FAM83G: variants seen among roughly 807,000 people sequenced by gnomAD.
The protein encoded by FAM83G is scaffolding CK1 anchoring protein G.
In FAM83G, 38 loss-of-function variants were observed where a neutral mutation model predicts 61.5. The observed-to-expected ratio is 0.62, with a 90% confidence interval of 0.48 to 0.81. FAM83G has a LOEUF of 0.81. Among genes scored for constraint, FAM83G ranks in the 30% least tolerant of loss-of-function variants. The pLI is 0.00. For synonymous variants in FAM83G, 470 were observed against 476.1 expected (o/e 0.99, Z 0.17); for missense variants, 989 against 1,133.6 (o/e 0.87, Z 1.83).
At chr17:18,976,810 G>A in intron 5 of FAM83G, 1 of 1,605,000 alleles carries the variant, frequency 6.2e-7, no homozygotes, top group Non-Finnish European at 8.5e-7. Flanking sequence ...TGACACAAGT[G>A]TCCCTCAGGC....
chr17:18,971,666 G>C lies in FAM83G; in HGVS notation c.2165C>G (p.Ser722Cys), dbSNP rs1597835273. The C allele has an allele frequency of 6.2e-7, 1 of 1,612,968 alleles. No individual in the cohort carries two copies. Among genetic ancestry groups the C allele is most frequent in the Admixed American group, 1.7e-5 (1 of 59,984 alleles). The change falls in exon 6 of 6, where the codon TCT becomes TGT. Residue 722 changes from serine to cysteine, a missense_variant. Ser to Cys is a moderately radical substitution (Grantham distance 112, BLOSUM62 -1). Coordinates refer to ENST00000388995, the MANE Select transcript of FAM83G (RefSeq NM_001039999.3). This position sits in a 1 kb window ranked among gnomAD's most constrained non-coding sequence, Gnocchi z 5.5. Reference sequence around the variant, plus strand: ...AGAGCTCTGGACGCTGTCAGCAGCAGAGCGGTACCTAGGGGGTCCTGGGAA... The same window carrying C: ...AGAGCTCTGGACGCTGTCAGCAGCACAGCGGTACCTAGGGGGTCCTGGGAA... ...DGFPGPPRYR[S>C]AADSVQSSTR...
chr17:18,978,156 CG>C lies in FAM83G; in HGVS notation c.1509del (p.Val504CysfsTer13). 1.3e-6 allele frequency: 2 copies of C among 1,530,560 alleles called. No homozygotes were observed. The allele number at this position is 1,530,560 out of a possible 1,614,324, so 94.8% of individuals were successfully genotyped here. ...ACAGGGACTGTCCGGGGCTTGGGCA[CG>C]GGGGGCAATGGCTCAGGGTCCCCCT... ...LPQGDPEPLP[P>X]VPKPRTVPVA... is the part of the protein sequence containing the mutation. On this transcript the variant is annotated frameshift_variant, in exon 5 of 6. Transcript: ENST00000388995. LOFTEE classifies it high-confidence loss of function.
At chr17:18,982,566 G>A (rs1489262511) in intron 3 of FAM83G, among the ~76,000 whole-genome samples, 2 of 152,214 alleles carry the variant, frequency 1.3e-5, no homozygotes, top group African/African-American at 4.8e-5. Flanking sequence ...AAGAGAGGAC[G>A]TCAAGGGCGA....
At chr17:18,983,545 G>A (rs758142068) in intron 3 of FAM83G, among the ~76,000 whole-genome samples, 39 of 152,322 alleles carry the variant, frequency 2.6e-4, no homozygotes, top group Admixed American at 1.1e-3. Context: ...GTCCAGAGAT[G>A]CATCCTTGAC....
intron 4 of FAM83G, chr17:18,979,159 G>A (rs546032599): frequency 1.5e-4 from 73 of 496,352 alleles, no homozygotes; most frequent in East Asian, 1.1e-3. Context: ...TGTGGTGGCC[G>A]CTGCTGCCAT....
At position 19,004,460 on chromosome 17, in the gene FAM83G, T is replaced by G. The variant is rs731996; in HGVS notation, c.-129+249A>C. Among the ~76,000 whole-genome samples the G allele has an allele frequency of 0.45, 69,004 of 152,026 alleles. 20,213 individuals carry two copies. The highest frequency in any genetic ancestry group is 0.65 in the Non-Finnish European group (44,423 of 67,918). Reference sequence around the variant, plus strand: ...AGTCCTCGCAACTTCTGAGGGAAACTAGGGCAGCCGGGGAACTTCCCAGTA... The same window carrying G: ...AGTCCTCGCAACTTCTGAGGGAAACGAGGGCAGCCGGGGAACTTCCCAGTA... On this transcript the variant is annotated intron_variant, in intron 1 of 5. Transcript: ENST00000388995. This position sits in a 1 kb window ranked among gnomAD's most constrained non-coding sequence, Gnocchi z 5.4.
rs189803890 is a variant in FAM83G, at chr17:18,981,576, T to C, written c.691-1903A>G. On this transcript the variant is annotated intron_variant, in intron 3 of 5. Coordinates refer to ENST00000388995, the MANE Select transcript of FAM83G (RefSeq NM_001039999.3). ...CTGCCCGCCATGCCATCCAGCCTCC[T>C]GCCCTGCCAGTCCTTTCCGTGTCCC... Among the ~76,000 whole-genome samples the C allele has an allele frequency of 3.3e-3, 502 of 152,264 alleles. 3 individuals are homozygous for C. Among genetic ancestry groups the C allele is most frequent in the African/African-American group, 0.012 (488 of 41,556 alleles).
In FAM83G at chr17:18,977,963, A is replaced by G; in HGVS notation, c.1703T>C (p.Leu568Pro). Residue 568 changes from leucine (L) to proline (P), a missense_variant, in exon 5 of 6, where the codon CTC becomes CCC. Physicochemically the swap from Leu to Pro is moderately conservative, Grantham distance 98. This residue lies in a region of FAM83G where 574 missense variants were observed against 645.1 expected (regional missense o/e 0.89). Coordinates refer to ENST00000388995, the MANE Select transcript of FAM83G (RefSeq NM_001039999.3). ...CAGCCCATTGGGGAGCCCCACCCCG[A>G]GGCTCTCGGGGTCATCCTGGGTCAC... ...LSVTQDDPES[L>P]GVGLPNGLDG... 6.3e-7 allele frequency: 1 copy of G among 1,596,572 alleles called. No individual in the cohort carries two copies. Among genetic ancestry groups the G allele is most frequent in the Non-Finnish European group, 8.5e-7 (1 of 1,171,000 alleles).
rs1311594037 is a variant in FAM83G, at chr17:18,996,971, A to C, written c.522+6549T>G. ...CGGGTCACTTCCCACTCTAAGCCTC[A>C]GCTTCTCTTCTTGGTAACATGGGGA... is the stretch of plus-strand genomic sequence containing the variant. On this transcript the variant is annotated intron_variant, in intron 2 of 5. Transcript: ENST00000388995. The surrounding 1 kb of genome is among the most constrained non-coding windows in gnomAD (Gnocchi z 4.4). 2.0e-5 allele frequency among the ~76,000 whole-genome samples: 3 copies of C among 152,214 alleles called. No homozygotes were observed. The highest frequency in any genetic ancestry group is 7.2e-5 in the African/African-American group (3 of 41,466).
In FAM83G at chr17:18,978,618, C is replaced by G; in HGVS notation, c.1048G>C (p.Ala350Pro). ...TCGACGCTCTTGGCCTTGACAAGTG[C>G]GTACTTGGGGTTGACGAGCTTCTTG... Reference protein sequence around the residue: ...VAKKLVNPKYALVKAKSVDEI... With the variant: ...VAKKLVNPKYPLVKAKSVDEI... The change falls in exon 5 of 6, where the codon GCA becomes CCA. Residue 350 changes from alanine to proline, a missense_variant. Coordinates refer to ENST00000388995, the MANE Select transcript of FAM83G (RefSeq NM_001039999.3). 6.2e-7 allele frequency: 1 copy of G among 1,613,124 alleles called. No homozygotes were observed. Among genetic ancestry groups the G allele is most frequent in the Non-Finnish European group, 8.5e-7 (1 of 1,179,998 alleles).
At chr17:18,989,634 T>G (rs964734217) in intron 2 of FAM83G, among the ~76,000 whole-genome samples, 2 of 152,250 alleles carry the variant, frequency 1.3e-5, no homozygotes, top group Admixed American at 1.3e-4. Context: ...CCGCAGCACC[T>G]GCAAAGAGCC....
At position 18,971,955 on chromosome 17, in the gene FAM83G, G is replaced by A. The variant is rs538222269; in HGVS notation, c.2083-207C>T. 3.8e-4 allele frequency among the ~76,000 whole-genome samples: 58 copies of A among 152,336 alleles called. No individual in the cohort carries two copies. The highest frequency in any genetic ancestry group is 1.3e-3 in the African/African-American group (53 of 41,584). On this transcript the variant is annotated intron_variant, in intron 5 of 5. Transcript: ENST00000388995. This position sits in a 1 kb window ranked among gnomAD's most constrained non-coding sequence, Gnocchi z 5.5. ...TAATATGGGAATAATCCTGCCCTTT[G>A]TGGGTGTAGCAAGGCAGCTTCCTCC... is the stretch of plus-strand genomic sequence containing the variant.
At chr17:18,999,218 C>T (rs1288387381) in intron 2 of FAM83G, among the ~76,000 whole-genome samples, 2 of 151,564 alleles carry the variant, frequency 1.3e-5, no homozygotes, top group East Asian at 3.9e-4. Context: ...GCGGAGGTTG[C>T]GGTGAGCAGA....
rs750417508 is a variant in FAM83G, at chr17:18,979,626, C to T, written c.738G>A (p.Ser246=). 2.0e-5 allele frequency: 33 copies of T among 1,613,364 alleles called. No homozygotes were observed. Among genetic ancestry groups the T allele is most frequent in the Middle Eastern group, 1.6e-4 (1 of 6,066 alleles). ...CCAGGGCACCCTTGAACTTGGTTGCCGACCGCGTGAAGAACTCAGTTCCCC... is the reference window on the plus strand; with the variant it reads ...CCAGGGCACCCTTGAACTTGGTTGCTGACCGCGTGAAGAACTCAGTTCCCC... ...SSGGTEFFTR[S]ATKFKGALAQ... The change falls in exon 4 of 6, where the codon TCG becomes TCA. Residue 246 remains serine, a synonymous_variant. Coordinates refer to ENST00000388995, the MANE Select transcript of FAM83G (RefSeq NM_001039999.3).
chr17:18,971,177 G>A lies in FAM83G; in HGVS notation c.*182C>T, dbSNP rs1489503949. 4.3e-6 allele frequency: 7 copies of A among 1,613,936 alleles called. No homozygotes were observed. The African/African-American group carries it at 9.3e-5, about 22-fold the overall frequency. On this transcript the variant is annotated 3_prime_UTR_variant, in exon 6 of 6. Transcript: ENST00000388995. The surrounding 1 kb of genome is among the most constrained non-coding windows in gnomAD (Gnocchi z 5.5). ...CCTGCCGTGGACCGGGATGACCTTT[G>A]GCCTGACCATCATGGCCACCTGGTA... is the stretch of plus-strand genomic sequence containing the variant.
Position 18,979,631 on chromosome 17 carries a change from G to A in FAM83G, c.733C>T (p.Arg245Trp), listed in dbSNP as rs370774339. The A allele has an allele frequency of 1.1e-5, 18 of 1,613,486 alleles. No homozygotes were observed. The highest frequency in any genetic ancestry group is 1.4e-5 in the Non-Finnish European group (16 of 1,179,988). Residue 245 changes from arginine (R) to tryptophan (W), a missense_variant, in exon 4 of 6, where the codon CGG (arginine) becomes TGG (tryptophan). Arg to Trp is a moderately radical substitution (Grantham distance 101). Coordinates refer to ENST00000388995, the MANE Select transcript of FAM83G (RefSeq NM_001039999.3). ...RSSGGTEFFT[R>W]SATKFKGALA... ...GCACCCTTGAACTTGGTTGCCGACC[G>A]CGTGAAGAACTCAGTTCCCCCGCTG...
chr17:19,005,423 C>T (rs1227177726), upstream of FAM83G, among the ~76,000 whole-genome samples: 1 of 152,134 alleles, frequency 6.6e-6, no homozygotes, highest in East Asian at 1.9e-4. Flanking sequence ...AGCGTGGAGA[C>T]CACATCTGAA....
intron 5 of FAM83G, chr17:18,977,097 T>C (rs1302336314): frequency 1.4e-6 from 2 of 1,471,168 alleles, no homozygotes; most frequent in South Asian, 1.3e-5. Flanking sequence ...ATGTGAACTG[T>C]TCCCCAACCT....
At chr17:18,980,899 A>G (rs2043114210) in intron 3 of FAM83G, among the ~76,000 whole-genome samples, 1 of 152,082 alleles carries the variant, frequency 6.6e-6, no homozygotes. Context: ...GTCTGCCTGC[A>G]TGCCTCCTGT....
Sources: allele counts gnomAD v4.1 joint callset (sites outside exome capture counted in the v4.1 genomes callset), GRCh38; gene constraint gnomAD v4.1.1; regional missense constraint gnomAD v4.1.1; non-coding constraint Gnocchi (gnomAD v3.1); transcripts MANE v1.5; gene names NCBI Gene and HGNC (gene_info 2026-07-23, HGNC 2026-07-21).